The following CFAP44 variants were observed in gnomAD, a reference collection of about 807,000 sequenced individuals.
CFAP44 encodes cilia and flagella associated protein 44, also known as cilia- and flagella-associated protein 44.
A neutral mutation model predicts 216.2 loss-of-function variants in CFAP44; 134 were observed. That is an observed-to-expected ratio of 0.62 (90% CI 0.54 to 0.72). The LOEUF (loss-of-function observed/expected upper bound fraction) is 0.72, where lower values mean the gene tolerates loss of function less well. Ranked by LOEUF, CFAP44 falls within the 30% of genes least tolerant of loss-of-function variation. The probability of loss-of-function intolerance (pLI) is 0.00; values close to 1 mark genes in which losing one functional copy is unlikely to be tolerated. For missense variants in CFAP44, 2,035 were observed against 2,182.1 expected (o/e 0.93, Z 1.34); for synonymous variants, 700 against 727.6 (o/e 0.96, Z 0.61).
intron 26 of CFAP44, among the ~76,000 whole-genome samples, chr3:113,328,634 TGAG>T (rs1322896601): frequency 7.6e-6 from 1 of 132,116 alleles, no homozygotes; most frequent in Non-Finnish European, 1.5e-5. Flanking sequence ...AGACTGGGGC[TGAG>T]GAGAGAAAGA....
intron 25 of CFAP44, among the ~76,000 whole-genome samples, chr3:113,332,330 G>A (rs1036420860): frequency 5.3e-5 from 8 of 152,316 alleles, no homozygotes; most frequent in South Asian, 4.1e-4. Context: ...TATGAGTTAT[G>A]AAAATGGATT....
chr3:113,433,639 G>A lies in CFAP44; in HGVS notation c.26C>T (p.Thr9Ile), dbSNP rs199993078. 2.5e-6 allele frequency: 4 copies of A among 1,613,124 alleles called. No individual in the cohort carries two copies. The African/African-American group carries it at 5.3e-5, about 22-fold the overall frequency. ...TGATGTAACTGATTTCTCCCCATCA[G>A]TATCCTGATCATCTGGTTCCTTCAT... is the stretch of plus-strand genomic sequence containing the variant. MKEPDDQD[T>I]DGEKSVTSKS... Residue 9 changes from threonine (T) to isoleucine (I), a missense_variant, in exon 2 of 35, where the codon ACT becomes ATT. By Grantham distance (89) the Thr-to-Ile change is moderately conservative (BLOSUM62 -1). Around this residue, in one of 3 missense-constraint regions of CFAP44, gnomAD observed 149 missense variants for 141.8 expected, o/e 1.05. Coordinates refer to ENST00000393845, the MANE Select transcript of CFAP44 (RefSeq NM_001164496.2).
At chr3:113,357,649 C>T (rs961397224) in intron 22 of CFAP44, among the ~76,000 whole-genome samples, 3 of 152,164 alleles carry the variant, frequency 2.0e-5, no homozygotes, top group African/African-American at 7.2e-5. Context: ...CAGTTTTAAG[C>T]CAATCAGTTT....
rs777786708 is a variant in CFAP44 at position 113,427,257 on chromosome 3, T to G, written c.183A>C (p.Glu61Asp). Residue 61 changes from glutamate (E) to aspartate (D), a missense_variant, in exon 3 of 35, where the codon GAA (glutamate) becomes GAC (aspartate). By Grantham distance (45) the Glu-to-Asp change is conservative. This residue lies in a region of CFAP44 where 149 missense variants were observed against 141.8 expected (regional missense o/e 1.05). Transcript: ENST00000393845. Reference sequence around the variant, plus strand: ...CTTCCAAACGTTCCTCATCTGAGTCTTCTTCTAAATATGATCCTTCCCCTT... The same window carrying G: ...CTTCCAAACGTTCCTCATCTGAGTCGTCTTCTAAATATGATCCTTCCCCTT... ...FTKGEGSYLE[E>D]DSDEERLEGS... 6.2e-7 allele frequency: 1 copy of G among 1,613,580 alleles called. No individual in the cohort carries two copies. The highest frequency in any genetic ancestry group is 1.1e-5 in the South Asian group (1 of 90,918).
At chr3:113,369,133 T>C (rs1576574473) in intron 18 of CFAP44, among the ~76,000 whole-genome samples, 1 of 152,106 alleles carries the variant, frequency 6.6e-6, no homozygotes, top group Non-Finnish European at 1.5e-5. Context: ...CAAACAATAA[T>C]AATGGGAGAC....
intron 11 of CFAP44, 100 bp downstream of exon 11, chr3:113,401,140 C>T (rs1934129123): frequency 2.7e-6 from 3 of 1,126,714 alleles, no homozygotes. Context: ...TTATGAGGAC[C>T]ATGATGAAAT....
At chr3:113,364,957 A>G (rs1237401234) in intron 19 of CFAP44, among the ~76,000 whole-genome samples, 1 of 151,990 alleles carries the variant, frequency 6.6e-6, no homozygotes, top group Non-Finnish European at 1.5e-5. Flanking sequence ...TTTCTTTCTT[A>G]AAAGCTATGT....
chr3:113,316,220 A>G (rs1311964277), intron 28 of CFAP44, among the ~76,000 whole-genome samples: 2 of 152,264 alleles, frequency 1.3e-5, no homozygotes, highest in Non-Finnish European at 2.9e-5. Flanking sequence ...GCAGGTCTCA[A>G]TAAAAATTTT....
rs534003942 is a variant in CFAP44 at position 113,398,607 on chromosome 3, A to G, written c.1569+1299T>C. On this transcript the variant is annotated intron_variant, in intron 13 of 34. Coordinates refer to ENST00000393845, the MANE Select transcript of CFAP44 (RefSeq NM_001164496.2). ...GATAGTGAGTGAGCTAGGTCTGCCA[A>G]TCTAAATGCTCTGTCATTTCTACTT... Among the ~76,000 whole-genome samples the G allele has an allele frequency of 5.9e-5, 9 of 152,254 alleles. No individual in the cohort carries two copies. The South Asian group carries it at 1.7e-3, about 28-fold the overall frequency.
chr3:113,417,177 A>G (rs1300187715), intron 5 of CFAP44: 2 of 152,258 alleles, frequency 1.3e-5, no homozygotes, highest in Non-Finnish European at 2.9e-5. Context: ...AATTTTGTAT[A>G]GAAAAATTCA....
intron 32 of CFAP44, among the ~76,000 whole-genome samples, chr3:113,300,560 T>C (rs1284272325): frequency 1.3e-5 from 2 of 151,250 alleles, no homozygotes; most frequent in South Asian, 2.1e-4. Context: ...AAAGCCTCCA[T>C]AAACGTGAAA....
At chr3:113,354,967 G>C (rs1950480356) in intron 22 of CFAP44, among the ~76,000 whole-genome samples, 2 of 152,266 alleles carry the variant, frequency 1.3e-5, no homozygotes, top group South Asian at 2.1e-4. Context: ...AGCAGGTTCT[G>C]GTATCCATGG....
At chr3:113,366,900 G>A (rs1932954850) in intron 18 of CFAP44, among the ~76,000 whole-genome samples, 1 of 152,228 alleles carries the variant, frequency 6.6e-6, no homozygotes, top group Non-Finnish European at 1.5e-5. Context: ...GGCAGACCAG[G>A]AGATTCCCTC....
At chr3:113,420,934 A>G (rs1030651616) in intron 4 of CFAP44, among the ~76,000 whole-genome samples, 1 of 152,092 alleles carries the variant, frequency 6.6e-6, no homozygotes, top group Non-Finnish European at 1.5e-5. Context: ...GTGTGTGTGT[A>G]TATGTATGTG....
At position 113,416,841 on chromosome 3, in the gene CFAP44, C is replaced by T. The variant is rs115202998; in HGVS notation, c.571-214G>A. Among the ~76,000 whole-genome samples the T allele has an allele frequency of 5.4e-3, 829 of 152,204 alleles. 10 individuals carry two copies. The highest frequency in any genetic ancestry group is 0.019 in the African/African-American group (796 of 41,556). On this transcript the variant is annotated intron_variant, in intron 5 of 34. Transcript: ENST00000393845. ...CATTTTAAATTTTACTTTAAGACAG[C>T]CATTTCTAACTCTACAATTTCTTTC...
chr3:113,358,298 T>C (rs1345850798), intron 22 of CFAP44, among the ~76,000 whole-genome samples: 2 of 152,084 alleles, frequency 1.3e-5, no homozygotes, highest in African/African-American at 4.8e-5. Flanking sequence ...ATTTACGTAT[T>C]TTATGTAAAT....
intron 18 of CFAP44, among the ~76,000 whole-genome samples, chr3:113,370,984 G>A (rs897195725): frequency 6.6e-6 from 1 of 151,906 alleles, no homozygotes; most frequent in South Asian, 2.1e-4. Flanking sequence ...TTCACAATTG[G>A]TACTAAGAGA....
chr3:113,344,696 C>A lies in CFAP44; in HGVS notation c.3082G>T (p.Glu1028Ter). Residue 1028 changes from glutamate (E) to a stop codon, truncating the protein, a stop_gained, in exon 23 of 35, where the codon GAA becomes TAA. Coordinates refer to ENST00000393845, the MANE Select transcript of CFAP44 (RefSeq NM_001164496.2). LOFTEE classifies it high-confidence loss of function. ...GCATGAACCACAATAGTATCACTTT[C>A]CAGTGGATCTCGAAATCTGAAAAAA... ...KLKNRFRDPL[E>*]SDTIVVHAIL... The A allele has an allele frequency of 6.7e-7, 1 of 1,496,430 alleles. No individual in the cohort carries two copies. Among genetic ancestry groups the A allele is most frequent in the South Asian group, 1.3e-5 (1 of 76,778 alleles). The allele number at this position is 1,496,430 out of a possible 1,614,324, so 92.7% of individuals were successfully genotyped here. A position where few individuals can be genotyped will look rare whatever the true frequency, so the allele number is the denominator to read the frequency against.
At chr3:113,340,618 C>T (rs1439780154) in intron 24 of CFAP44, among the ~76,000 whole-genome samples, 1 of 152,188 alleles carries the variant, frequency 6.6e-6, no homozygotes, top group African/African-American at 2.4e-5. Flanking sequence ...TCTAGGGGAG[C>T]ATACAGGCGG....
Sources: gnomAD v4.1 joint callset for allele counts (sites outside exome capture counted in the v4.1 genomes callset) on GRCh38, gnomAD v4.1.1 for gene constraint, gnomAD v4.1.1 regional missense constraint, MANE v1.5 for transcripts, NCBI Gene and HGNC (gene_info 2026-07-23, HGNC 2026-07-21) for gene names.